The following CDH5 variants were observed in gnomAD, a reference collection of about 807,000 sequenced individuals.
The protein encoded by CDH5 is cadherin-5.
In CDH5, 28 loss-of-function variants were observed where a neutral mutation model predicts 62.0. That is an observed-to-expected ratio of 0.45 (90% CI 0.33 to 0.62). The LOEUF (loss-of-function observed/expected upper bound fraction) is 0.62, where lower values mean the gene tolerates loss of function less well. Ranked by LOEUF, CDH5 falls within the 20% of genes least tolerant of loss-of-function variation. The pLI is 0.02. For synonymous variants in CDH5, 464 were observed against 445.8 expected, an observed-to-expected ratio of 1.04 and a Z score of -0.52; for missense variants, 940 against 1,065.1, an observed-to-expected ratio of 0.88 and a Z score of 1.63.
At chr16:66,389,634 G>C in intron 5 of CDH5, 112 bp downstream of exon 5, 1 of 942,386 alleles carries the variant, frequency 1.1e-6, no homozygotes, top group Non-Finnish European at 1.5e-6. Flanking sequence ...TCTATCCCAG[G>C]GTAGGCCTGA....
intron 2 of CDH5, among the ~76,000 whole-genome samples, chr16:66,381,224 C>G (rs1051963668): frequency 6.6e-6 from 1 of 152,222 alleles, no homozygotes; most frequent in Non-Finnish European, 1.5e-5. Flanking sequence ...TGTGACCCCA[C>G]ACAGCTCCCC....
rs1417037167 is a variant in CDH5, at chr16:66,387,091, G to T, written c.493G>T (p.Ala165Ser). The T allele has an allele frequency of 1.9e-6, 3 of 1,609,840 alleles. No homozygotes were observed. The highest frequency in any genetic ancestry group is 2.5e-6 in the Non-Finnish European group (3 of 1,176,910). Residue 165 changes from alanine to serine, a missense_variant, in exon 3 of 12, where the codon GCT (alanine) becomes TCT (serine). Transcript: ENST00000341529. ...LFNASVPESS[A>S]VGTSVISVTA... ...CAATGCGTCCGTGCCTGAGTCGTCG[G>T]CTGTGGGTACGTTGCATGCCCACTC...
intron 11 of CDH5, among the ~76,000 whole-genome samples, chr16:66,401,828 A>T (rs1237686430): frequency 6.6e-6 from 1 of 152,212 alleles, no homozygotes; most frequent in Admixed American, 6.5e-5. Flanking sequence ...GAGACGCAGC[A>T]GGGGCTGATC....
intron 2 of CDH5, among the ~76,000 whole-genome samples, chr16:66,386,007 G>T (rs1190126158): frequency 6.6e-6 from 1 of 152,210 alleles, no homozygotes; most frequent in East Asian, 1.9e-4. Flanking sequence ...CTTCAAAAGT[G>T]CTGTTCTACT....
chr16:66,375,413 A>G (rs1367123757), intron 1 of CDH5, among the ~76,000 whole-genome samples: 1 of 152,096 alleles, frequency 6.6e-6, no homozygotes, highest in East Asian at 1.9e-4. Context: ...GTGCTGGCAC[A>G]TACCTCCTTG....
chr16:66,382,352 T>C (rs534743204), intron 2 of CDH5, among the ~76,000 whole-genome samples: 3 of 152,200 alleles, frequency 2.0e-5, no homozygotes, highest in East Asian at 1.9e-4. Flanking sequence ...TGGCCACTCA[T>C]AGGGGAAGAC....
intron 4 of CDH5, among the ~76,000 whole-genome samples, chr16:66,388,679 G>C (rs1017075155): frequency 2.6e-5 from 4 of 152,194 alleles, no homozygotes; most frequent in African/African-American, 9.7e-5. Context: ...TCAGGATCTT[G>C]TTACCCAAGA....
chr16:66,387,229 C>T (rs1344912544), intron 3 of CDH5, 132 bp downstream of exon 3: 2 of 802,358 alleles, frequency 2.5e-6, no homozygotes, highest in East Asian at 5.4e-5. Flanking sequence ...GCCTGTGTTG[C>T]CACTTTACAT....
At chr16:66,370,562 G>A (rs1371260843) in intron 1 of CDH5, among the ~76,000 whole-genome samples, 1 of 152,188 alleles carries the variant, frequency 6.6e-6, no homozygotes. Flanking sequence ...CTGGCACCAG[G>A]CTGACAGGCA....
intron 2 of CDH5, among the ~76,000 whole-genome samples, chr16:66,382,882 G>A (rs1025183559): frequency 3.3e-5 from 5 of 152,304 alleles, no homozygotes; most frequent in African/African-American, 9.6e-5. Context: ...GCTGGACAAT[G>A]GGAGCAAGTC....
At chr16:66,370,196 C>T (rs1166147502) in intron 1 of CDH5, among the ~76,000 whole-genome samples, 2 of 152,154 alleles carry the variant, frequency 1.3e-5, no homozygotes, top group Admixed American at 1.3e-4. Context: ...GACGGGGTTT[C>T]ACCATGTTGG....
intron 2 of CDH5, among the ~76,000 whole-genome samples, chr16:66,379,780 A>G (rs1283697301): frequency 6.6e-6 from 1 of 150,580 alleles, no homozygotes; most frequent in East Asian, 2.0e-4. Flanking sequence ...TGAGGATGGG[A>G]AAGGCCAAGG....
rs982012997 is a variant in CDH5, at chr16:66,386,889, A to C, written c.291A>C (p.Ala97=). 13 of 1,614,230 alleles carry C rather than the reference A, an allele frequency of 8.1e-6. No individual in the cohort carries two copies. Among genetic ancestry groups the C allele is most frequent in the Non-Finnish European group, 1.1e-5 (13 of 1,180,036 alleles). ...EYVGKVFRVD[A]ETGDVFAIER... is the part of the protein sequence containing the mutation. ...TGGGCAAGGTCTTCCGGGTCGATGC[A>C]GAGACAGGAGACGTGTTCGCCATTG... Residue 97 remains alanine (A), a synonymous_variant, in exon 3 of 12, where the codon GCA becomes GCC. Coordinates refer to ENST00000341529, the MANE Select transcript of CDH5 (RefSeq NM_001795.5).
At chr16:66,389,591 G>T in intron 5 of CDH5, 69 bp downstream of exon 5, 2 of 1,332,076 alleles carry the variant, frequency 1.5e-6, no homozygotes, top group Non-Finnish European at 2.0e-6. Flanking sequence ...TTGGGGCTCT[G>T]GGAAAAGAGT....
chr16:66,396,306 G>A, intron 8 of CDH5, 105 bp downstream of exon 8: 2 of 1,366,962 alleles, frequency 1.5e-6, no homozygotes, highest in East Asian at 2.3e-5. Flanking sequence ...TATTAGAAGT[G>A]CCTGCTGAAG....
Position 66,402,661 on chromosome 16 carries a change from T to A in CDH5, c.1847T>A (p.Leu616Gln). The A allele has an allele frequency of 6.3e-7, 1 of 1,594,122 alleles. No homozygotes were observed. The stretch of plus-strand genomic sequence containing the variant: ...GGCTCCCTGGCTGCAGTGATCACCC[T>A]GCTCATCTTCCTGCGGCGGCGGCTC... The part of the protein sequence containing the change: ...LCILTITVIT[L>Q]LIFLRRRLRK... The change falls in exon 12 of 12, where the codon CTG (leucine) becomes CAG (glutamine). Residue 616 changes from leucine (L) to glutamine (Q), a missense_variant. Leu to Gln is a moderately radical substitution (Grantham distance 113). Coordinates refer to ENST00000341529, the MANE Select transcript of CDH5 (RefSeq NM_001795.5).
chr16:66,395,039 T>TTTTTTTTG (rs1961154520), intron 7 of CDH5, among the ~76,000 whole-genome samples: 1 of 92,840 alleles, frequency 1.1e-5, no homozygotes, highest in Non-Finnish European at 2.1e-5. Flanking sequence ...TTTTTTTTTT[T>TTTTTTTTG]TTTTTTTTTT....
intron 2 of CDH5, among the ~76,000 whole-genome samples, chr16:66,386,135 C>G (rs1486274456): frequency 6.6e-6 from 1 of 152,164 alleles, no homozygotes; most frequent in African/African-American, 2.4e-5. Context: ...CCAATGGCAC[C>G]AGGTATATTT....
At position 66,379,267 on chromosome 16, in the gene CDH5, A is replaced by G. The variant is rs544833702; in HGVS notation, c.-19-52A>G. 5.9e-5 allele frequency: 77 copies of G among 1,313,512 alleles called. No homozygotes were observed. In the African/African-American group the frequency reaches 1.1e-3, roughly 18 times the overall value. The allele number at this position is 1,313,512 out of a possible 1,614,324, so 81.4% of individuals were successfully genotyped here. On this transcript the variant is annotated intron_variant, in intron 1 of 11. Transcript: ENST00000341529. ...TTATGTGAAATACCTGTGTCTAAGT[A>G]CTCCTTTCATCGTCACTGGCCAGAG...
Sources: allele counts gnomAD v4.1 joint callset (sites outside exome capture counted in the v4.1 genomes callset), GRCh38; gene constraint gnomAD v4.1.1; transcripts MANE v1.5; gene names NCBI Gene and HGNC (gene_info 2026-07-23, HGNC 2026-07-21).